The following SHISA8 variants were observed in gnomAD, a reference collection of about 807,000 sequenced individuals.
The protein encoded by SHISA8 is protein shisa-8.
A neutral mutation model predicts 21.1 loss-of-function variants in SHISA8; 21 were observed. That is an observed-to-expected ratio of 0.99 (90% CI 0.71 to 1.43). SHISA8 has a LOEUF of 1.43. Ranked by LOEUF, SHISA8 falls within the 40% of genes most tolerant of loss-of-function variation. SHISA8 has a pLI of 0.00. For synonymous variants in SHISA8, 300 were observed against 291.4 expected, an observed-to-expected ratio of 1.03 and a Z score of -0.30; for missense variants, 535 against 599.1, an observed-to-expected ratio of 0.89 and a Z score of 1.12.
rs577819715 is a variant in SHISA8 at position 41,914,967 on chromosome 22, C to T, written c.-300G>A. Among the ~76,000 whole-genome samples, 103 of 151,850 alleles carry T rather than the reference C, an allele frequency of 6.8e-4. No homozygotes were observed. The highest frequency in any genetic ancestry group is 2.4e-3 in the African/African-American group (99 of 41,502). ...CCTGCGCGCGGCCCCCGGCTTCTCC[C>T]CGGCCCGGCAGGTGTGCGGGTCTTG... is the stretch of plus-strand genomic sequence containing the variant. On this transcript the variant is annotated 5_prime_UTR_variant, in exon 1 of 4. Transcript: ENST00000621082. The surrounding 1 kb of genome is among the most constrained non-coding windows in gnomAD (Gnocchi z 6.8).
At chr22:41,913,205 G>A (rs184290278) in intron 1 of SHISA8, among the ~76,000 whole-genome samples, 17 of 152,366 alleles carry the variant, frequency 1.1e-4, no homozygotes, top group Admixed American at 9.1e-4. Flanking sequence ...CCCTGCCTCT[G>A]AGGCCCAGGA....
rs1379267242 is a variant in SHISA8 at position 41,909,588 on chromosome 22, C to T, written c.*177G>A. On this transcript the variant is annotated 3_prime_UTR_variant, in exon 4 of 4. Transcript: ENST00000621082. The stretch of plus-strand genomic sequence containing the variant: ...GCTTCTTTATTCTCAGGGGCAGGAA[C>T]CACATAAAAGGGCTTATTTACAAGA... 5.1e-6 allele frequency: 4 copies of T among 779,026 alleles called. No homozygotes were observed. Among genetic ancestry groups the T allele is most frequent in the African/African-American group, 1.8e-5 (1 of 55,100 alleles). The allele number at this position is 779,026 out of a possible 1,614,324, so 48.3% of individuals were successfully genotyped here. A position where few individuals can be genotyped will look rare whatever the true frequency, so the allele number is the denominator to read the frequency against.
Position 41,910,205 on chromosome 22 carries a change from G to C in SHISA8, c.812-58C>G. On this transcript the variant is annotated intron_variant, in intron 3 of 3. Coordinates refer to ENST00000621082, the MANE Select transcript of SHISA8 (RefSeq NM_001207020.3). The surrounding 1 kb of genome is among the most constrained non-coding windows in gnomAD (Gnocchi z 6.8). ...CGCCGAGCACCCAAGCTCAGGACTG[G>C]ACAAGGGGTCCCGGCCGGGGACTGG... 8.1e-7 allele frequency: 1 copy of C among 1,229,518 alleles called. No homozygotes were observed. The allele number at this position is 1,229,518 out of a possible 1,614,324, so 76.2% of individuals were successfully genotyped here. A position where few individuals can be genotyped will look rare whatever the true frequency, so the allele number is the denominator to read the frequency against.
At position 41,910,790 on chromosome 22, in the gene SHISA8, G is replaced by C. The variant is rs1266017470; in HGVS notation, c.665-236C>G. Among the ~76,000 whole-genome samples, 3 of 152,144 alleles carry C rather than the reference G, an allele frequency of 2.0e-5. No homozygotes were observed. The highest frequency in any genetic ancestry group is 7.2e-5 in the African/African-American group (3 of 41,442). ...CCAGCCCGGGGGGTGCCACCCTCAT[G>C]AACGGCTCGCCCGGAGGCGACGCTC... On this transcript the variant is annotated intron_variant, in intron 2 of 3. Coordinates refer to ENST00000621082, the MANE Select transcript of SHISA8 (RefSeq NM_001207020.3). The surrounding 1 kb of genome is among the most constrained non-coding windows in gnomAD (Gnocchi z 6.8).
Position 41,914,598 on chromosome 22 carries a change from G to A in SHISA8, c.70C>T (p.Leu24Phe). ...CGCGCCAGCAGCAACGCGAGCCGAA[G>A]CGCGAGCGCGAGCCGGAGGCCGGGA... ...RPPGLRLALA[L>F]RLALLLARPP... The change falls in exon 1 of 4, where the codon CTT (leucine) becomes TTT (phenylalanine). Residue 24 changes from leucine to phenylalanine, a missense_variant. Leu to Phe is a conservative substitution (Grantham distance 22, BLOSUM62 0). Coordinates refer to ENST00000621082, the MANE Select transcript of SHISA8 (RefSeq NM_001207020.3). This position sits in a 1 kb window ranked among gnomAD's most constrained non-coding sequence, Gnocchi z 6.8. 1.8e-6 allele frequency: 2 copies of A among 1,098,682 alleles called. No individual in the cohort carries two copies. Among genetic ancestry groups the A allele is most frequent in the Non-Finnish European group, 2.2e-6 (2 of 905,276 alleles). 68.1% of individuals were successfully genotyped at this position (1,098,682 alleles called of 1,614,324 possible).
intron 1 of SHISA8, among the ~76,000 whole-genome samples, chr22:41,913,621 G>A (rs2077565458): frequency 6.6e-6 from 1 of 152,194 alleles, no homozygotes; most frequent in South Asian, 2.1e-4. Flanking sequence ...GGGGTGAGTG[G>A]GGGGAGGCCT....
chr22:41,914,486 C>T lies in SHISA8; in HGVS notation c.182G>A (p.Arg61His). Residue 61 changes from arginine (R) to histidine (H), a missense_variant, in exon 1 of 4, where the codon CGC (arginine) becomes CAC (histidine). By Grantham distance (29) the Arg-to-His change is conservative. Transcript: ENST00000621082. The surrounding 1 kb of genome is among the most constrained non-coding windows in gnomAD (Gnocchi z 6.8). ...CTGGCCCATCACGTCGTAGTAGCCG[C>T]GGCAGCGGTCGCCCCCCTCCGGGGC... ...TTAPEGGDRC[R>H]GYYDVMGQWD... 7.7e-7 allele frequency: 1 copy of T among 1,294,202 alleles called. No individual in the cohort carries two copies. The highest frequency in any genetic ancestry group is 9.8e-7 in the Non-Finnish European group (1 of 1,018,206). 80.2% of individuals were successfully genotyped at this position (1,294,202 alleles called of 1,614,324 possible). A position where few individuals can be genotyped will look rare whatever the true frequency, so the allele number is the denominator to read the frequency against.
In SHISA8 at chr22:41,910,221, CG is replaced by C; in HGVS notation, c.812-75del. 1 of 1,221,164 alleles carries C rather than the reference CG, an allele frequency of 8.2e-7. No individual in the cohort carries two copies. Among genetic ancestry groups the C allele is most frequent in the Non-Finnish European group, 1.0e-6 (1 of 982,022 alleles). The allele number at this position is 1,221,164 out of a possible 1,614,324, so 75.6% of individuals were successfully genotyped here. A position where few individuals can be genotyped will look rare whatever the true frequency, so the allele number is the denominator to read the frequency against. On this transcript the variant is annotated intron_variant, in intron 3 of 3. Coordinates refer to ENST00000621082, the MANE Select transcript of SHISA8 (RefSeq NM_001207020.3). This position sits in a 1 kb window ranked among gnomAD's most constrained non-coding sequence, Gnocchi z 6.8. ...TCAGGACTGGACAAGGGGTCCCGGC[CG>C]GGGACTGGGACGGGGACCGGGCCGG...
At position 41,911,148 on chromosome 22, in the gene SHISA8, C is replaced by T. The variant is rs1359264208; in HGVS notation, c.664+68G>A. ...AGCCTCTATGCCCCAGCCGAGGGACCGCCTCTCGGCCTCTCACGCCCCTCC... is the reference window on the plus strand; with the variant it reads ...AGCCTCTATGCCCCAGCCGAGGGACTGCCTCTCGGCCTCTCACGCCCCTCC... On this transcript the variant is annotated intron_variant, in intron 2 of 3. Transcript: ENST00000621082. 2.7e-5 allele frequency: 34 copies of T among 1,247,316 alleles called. No individual in the cohort carries two copies. The East Asian group carries it at 2.8e-4, about 10-fold the overall frequency. 77.3% of individuals were successfully genotyped at this position (1,247,316 alleles called of 1,614,324 possible).
intron 2 of SHISA8, among the ~76,000 whole-genome samples, chr22:41,911,013 C>T (rs953835473): frequency 6.6e-6 from 1 of 151,846 alleles, no homozygotes; most frequent in Non-Finnish European, 1.5e-5. Flanking sequence ...CATCACAGCC[C>T]CCCAGACTCG....
Position 41,911,189 on chromosome 22 carries a change from G to C in SHISA8, c.664+27C>G, listed in dbSNP as rs765803383. 2,251 of 1,261,800 alleles carry C rather than the reference G, an allele frequency of 1.8e-3. 2 individuals are homozygous for C. The highest frequency in any genetic ancestry group is 2.1e-3 in the Non-Finnish European group (2,147 of 1,005,836). The allele number at this position is 1,261,800 out of a possible 1,614,324, so 78.2% of individuals were successfully genotyped here. A position where few individuals can be genotyped will look rare whatever the true frequency, so the allele number is the denominator to read the frequency against. On this transcript the variant is annotated intron_variant, in intron 2 of 3. Transcript: ENST00000621082. ...ACGCCCCTCCGCGTGCTCCGCCGCC[G>C]CTCAGCCCCGCCCGCCACCGACTCA...
Position 41,910,230 on chromosome 22 carries a change from G to A in SHISA8, c.812-83C>T. ...GACAAGGGGTCCCGGCCGGGGACTG[G>A]GACGGGGACCGGGCCGGGGCGGGCC... On this transcript the variant is annotated intron_variant, in intron 3 of 3. Coordinates refer to ENST00000621082, the MANE Select transcript of SHISA8 (RefSeq NM_001207020.3). This position sits in a 1 kb window ranked among gnomAD's most constrained non-coding sequence, Gnocchi z 6.8. 2 of 1,224,724 alleles carry A rather than the reference G, an allele frequency of 1.6e-6. No homozygotes were observed. Among genetic ancestry groups the A allele is most frequent in the South Asian group, 3.8e-5 (1 of 26,122 alleles). The allele number at this position is 1,224,724 out of a possible 1,614,324, so 75.9% of individuals were successfully genotyped here.
At chr22:41,912,037 G>GTGAGC (rs1275935389) in intron 1 of SHISA8, among the ~76,000 whole-genome samples, 1 of 152,226 alleles carries the variant, frequency 6.6e-6, no homozygotes, top group East Asian at 1.9e-4. Flanking sequence ...GGCCCAGGAT[G>GTGAGC]CCTTATTTAC....
chr22:41,910,225 G>A lies in SHISA8; in HGVS notation c.812-78C>T. The A allele has an allele frequency of 8.2e-7, 1 of 1,224,576 alleles. No individual in the cohort carries two copies. The highest frequency in any genetic ancestry group is 1.0e-6 in the Non-Finnish European group (1 of 982,796). The allele number at this position is 1,224,576 out of a possible 1,614,324, so 75.9% of individuals were successfully genotyped here. A position where few individuals can be genotyped will look rare whatever the true frequency, so the allele number is the denominator to read the frequency against. ...GACTGGACAAGGGGTCCCGGCCGGG[G>A]ACTGGGACGGGGACCGGGCCGGGGC... is the stretch of plus-strand genomic sequence containing the variant. On this transcript the variant is annotated intron_variant, in intron 3 of 3. Transcript: ENST00000621082. The surrounding 1 kb of genome is among the most constrained non-coding windows in gnomAD (Gnocchi z 6.8).
rs989367483 is a variant in SHISA8 at position 41,910,732 on chromosome 22, C to T, written c.665-178G>A. Among the ~76,000 whole-genome samples, 3 of 152,186 alleles carry T rather than the reference C, an allele frequency of 2.0e-5. No individual in the cohort carries two copies. Among genetic ancestry groups the T allele is most frequent in the Non-Finnish European group, 4.4e-5 (3 of 68,016 alleles). ...CAGCCTCCAGCGCCTGGAACAGGGC[C>T]TGGCTCCGAGTCACGCGCAGCGGCG... On this transcript the variant is annotated intron_variant, in intron 2 of 3. Coordinates refer to ENST00000621082, the MANE Select transcript of SHISA8 (RefSeq NM_001207020.3). The surrounding 1 kb of genome is among the most constrained non-coding windows in gnomAD (Gnocchi z 6.8).
chr22:41,911,147 C>A, intron 2 of SHISA8, 69 bp downstream of exon 2: 1 of 1,248,122 alleles, frequency 8.0e-7, no homozygotes, highest in Non-Finnish European at 1.0e-6. Flanking sequence ...AGCCGAGGGA[C>A]CGCCTCTCGG....
Position 41,911,229 on chromosome 22 carries a change from G to A in SHISA8, c.651C>T (p.Pro217=), listed in dbSNP as rs779364771. 9.3e-6 allele frequency: 12 copies of A among 1,283,936 alleles called. No individual in the cohort carries two copies. In the South Asian group the frequency reaches 1.8e-4, roughly 20 times the overall value. 79.5% of individuals were successfully genotyped at this position (1,283,936 alleles called of 1,614,324 possible). A position where few individuals can be genotyped will look rare whatever the true frequency, so the allele number is the denominator to read the frequency against. ...QMGDGLPRGS[P]HNSADKKRLN... is the part of the protein sequence containing the mutation. The stretch of plus-strand genomic sequence containing the variant: ...CCACCGACTCACCTGCGCTGTTGTG[G>A]GGGGAGCCCCGGGGGAGGCCGTCCC... The change falls in exon 2 of 4, where the codon CCC becomes CCT. Residue 217 remains proline (P), a synonymous_variant. Coordinates refer to ENST00000621082, the MANE Select transcript of SHISA8 (RefSeq NM_001207020.3).
chr22:41,911,893 C>T (rs930755470), intron 1 of SHISA8, among the ~76,000 whole-genome samples: 2 of 152,308 alleles, frequency 1.3e-5, no homozygotes. Flanking sequence ...TTATAAGGTG[C>T]CTGCCACCAC....
At position 41,914,895 on chromosome 22, in the gene SHISA8, C is replaced by T. The variant is rs1486716935; in HGVS notation, c.-228G>A. On this transcript the variant is annotated 5_prime_UTR_variant, in exon 1 of 4. Transcript: ENST00000621082. The surrounding 1 kb of genome is among the most constrained non-coding windows in gnomAD (Gnocchi z 6.8). ...CGGGCTCACCTCGGACCCGAGCTGC[C>T]CGGTCCGCGTCCTGAGATCTTCCCC... 6.6e-6 allele frequency among the ~76,000 whole-genome samples: 1 copy of T among 151,348 alleles called. No homozygotes were observed.
Sources: gnomAD v4.1 joint callset for allele counts (sites outside exome capture counted in the v4.1 genomes callset) on GRCh38, gnomAD v4.1.1 for gene constraint, Gnocchi (gnomAD v3.1) non-coding constraint, MANE v1.5 for transcripts, NCBI Gene and HGNC (gene_info 2026-07-23, HGNC 2026-07-21) for gene names.